Variants in ASAP2 observed in about 807,000 individuals in gnomAD.
ASAP2 encodes arf-GAP with SH3 domain, ANK repeat and PH domain-containing protein 2.
ASAP2 carries 45 observed loss-of-function variants against 131.4 expected under a neutral mutation model. That is an observed-to-expected ratio of 0.34 (90% confidence interval 0.27 to 0.44). ASAP2 has a LOEUF of 0.44. Ranked by LOEUF, ASAP2 falls within the 20% of genes least tolerant of loss-of-function variation. The pLI is 1.00. For missense variants in ASAP2, 1,011 were observed against 1,297.0 expected (o/e 0.78, Z 3.39); for synonymous variants, 510 against 503.0 (o/e 1.01, Z -0.19).
At position 9,254,254 on chromosome 2, in the gene ASAP2, T is replaced by TATATATATATATATTATATATAC. The variant is rs1553297027; in HGVS notation, c.127-25062_127-25061insTATATATATATATTATATATACA. Reference sequence around the variant, plus strand: ...AAAAAAAAATATATATATATATATATACACGTGTGTGTGTATGCATATATA... The same window carrying TATATATATATATATTATATATAC: ...AAAAAAAAATATATATATATATATATATATATATATATATTATATATACACACGTGTGTGTGTATGCATATATA... On this transcript the variant is annotated intron_variant, in intron 1 of 27. Coordinates refer to ENST00000281419, the MANE Select transcript of ASAP2 (RefSeq NM_003887.3). Among the ~76,000 whole-genome samples the TATATATATATATATTATATATAC allele has an allele frequency of 2.1e-3, 140 of 65,694 alleles. 3 individuals are homozygous for TATATATATATATATTATATATAC. Among genetic ancestry groups the TATATATATATATATTATATATAC allele is most frequent in the African/African-American group, 9.6e-3 (130 of 13,494 alleles). The allele number at this position is 65,694 out of a possible 152,430, so 43.1% of individuals were successfully genotyped here. A position where few individuals can be genotyped will look rare whatever the true frequency, so the allele number is the denominator to read the frequency against.
chr2:9,400,632 G>A, intron 25 of ASAP2, 110 bp from the exon 26 acceptor site: 2 of 986,244 alleles, frequency 2.0e-6, no homozygotes, highest in South Asian at 2.7e-5. Context: ...CAACAGATCG[G>A]AACACCTGGG....
At chr2:9,238,093 G>T (rs1663679458) in intron 1 of ASAP2, among the ~76,000 whole-genome samples, 1 of 152,152 alleles carries the variant, frequency 6.6e-6, no homozygotes, top group African/African-American at 2.4e-5. Flanking sequence ...CGACTGCTGG[G>T]GTTTGAATTT....
rs146714619 is a variant in ASAP2 at position 9,247,016 on chromosome 2, G to A, written c.127-32301G>A. 4.4e-3 allele frequency among the ~76,000 whole-genome samples: 670 copies of A among 152,016 alleles called. 9 individuals are homozygous for A. The highest frequency in any genetic ancestry group is 0.015 in the African/African-American group (641 of 41,432). Reference sequence around the variant, plus strand: ...TACCACACCCAGCTGATTTTTTAATGTTTTTGTAGAGATGGGGTCTGTGTT... The same window carrying A: ...TACCACACCCAGCTGATTTTTTAATATTTTTGTAGAGATGGGGTCTGTGTT... On this transcript the variant is annotated intron_variant, in intron 1 of 27. Transcript: ENST00000281419.
intron 1 of ASAP2, among the ~76,000 whole-genome samples, 154 bp from the exon 2 acceptor site, chr2:9,279,163 A>G (rs1377775735): frequency 6.6e-6 from 1 of 152,150 alleles, no homozygotes. Flanking sequence ...TCCCAGAAAC[A>G]GGTGCCGAGG....
chr2:9,265,391 T>C (rs116348020), intron 1 of ASAP2, among the ~76,000 whole-genome samples: 150 of 152,366 alleles, frequency 9.8e-4, no homozygotes, highest in African/African-American at 3.6e-3. Context: ...AGTATTTTTG[T>C]TTTATTGTTT....
intron 1 of ASAP2, among the ~76,000 whole-genome samples, chr2:9,269,047 G>A (rs556362021): frequency 1.3e-5 from 2 of 152,214 alleles, no homozygotes; most frequent in East Asian, 3.9e-4. Flanking sequence ...TGAGGCCAGG[G>A]CTCAGCAAAC....
chr2:9,315,655 C>T (rs1040265787), intron 3 of ASAP2, among the ~76,000 whole-genome samples: 2 of 152,118 alleles, frequency 1.3e-5, no homozygotes, highest in Non-Finnish European at 2.9e-5. Context: ...TGTCTGGCTG[C>T]CAGGACTGTC....
At chr2:9,245,693 C>T (rs528199100) in intron 1 of ASAP2, among the ~76,000 whole-genome samples, 3 of 152,146 alleles carry the variant, frequency 2.0e-5, no homozygotes, top group South Asian at 2.1e-4. Flanking sequence ...GGCCTGGGGG[C>T]GCTTGCAGGA....
At chr2:9,212,854 C>A (rs1319844370) in intron 1 of ASAP2, among the ~76,000 whole-genome samples, 3 of 152,198 alleles carry the variant, frequency 2.0e-5, no homozygotes. Context: ...TTTACAGCAT[C>A]TCCACGTACA....
chr2:9,229,204 A>G (rs540780727), intron 1 of ASAP2, among the ~76,000 whole-genome samples: 1 of 152,300 alleles, frequency 6.6e-6, no homozygotes, highest in East Asian at 1.9e-4. Context: ...AACAGATTTA[A>G]AGATAGTAGG....
chr2:9,213,552 C>T (rs957921824), intron 1 of ASAP2, among the ~76,000 whole-genome samples: 1 of 151,876 alleles, frequency 6.6e-6, no homozygotes, highest in Admixed American at 6.6e-5. Flanking sequence ...AAGAGGGAGA[C>T]CAGTTGTGGG....
rs1489231503 is a variant in ASAP2 at position 9,344,754 on chromosome 2, G to A, written c.977G>A (p.Arg326Lys). The change falls in exon 11 of 28, where the codon AGG (arginine) becomes AAG (lysine). Residue 326 changes from arginine to lysine, a missense_variant. Coordinates refer to ENST00000281419, the MANE Select transcript of ASAP2 (RefSeq NM_003887.3). ...SDGIRKVWQK[R>K]KCSVKNGFLT... is the part of the protein sequence containing the mutation. ...AGGATCCGAAAAGTGTGGCAGAAAAGGAAATGTTCAGTTAAAAATGGTTTT... is the reference window on the plus strand; with the variant it reads ...AGGATCCGAAAAGTGTGGCAGAAAAAGAAATGTTCAGTTAAAAATGGTTTT... The A allele has an allele frequency of 6.2e-7, 1 of 1,614,146 alleles. No homozygotes were observed.
At chr2:9,321,537 G>A (rs1011359827) in intron 5 of ASAP2, among the ~76,000 whole-genome samples, 8 of 152,154 alleles carry the variant, frequency 5.3e-5, no homozygotes, top group Non-Finnish European at 8.8e-5. Context: ...GCTTTGCAGA[G>A]GGAAAACCAA....
chr2:9,214,925 C>T lies in ASAP2; in HGVS notation c.126+7695C>T, dbSNP rs933626321. Among the ~76,000 whole-genome samples the T allele has an allele frequency of 3.3e-5, 5 of 152,090 alleles. 1 individual carries two copies. In the South Asian group the frequency reaches 8.3e-4, roughly 25 times the overall value. ...TTGACACTCTGGCGAAGGTGATCTG[C>T]CTCTTCAGAAAAATGTTTTAATGCA... On this transcript the variant is annotated intron_variant, in intron 1 of 27. Transcript: ENST00000281419.
chr2:9,258,458 G>A (rs4467242), intron 1 of ASAP2, among the ~76,000 whole-genome samples: 83,188 of 151,442 alleles, frequency 0.55, 24,023 homozygotes, highest in African/African-American at 0.74. Flanking sequence ...AATGCAAGCT[G>A]TTTTAAAGGT....
At chr2:9,213,014 G>A (rs1028777466) in intron 1 of ASAP2, among the ~76,000 whole-genome samples, 5 of 152,210 alleles carry the variant, frequency 3.3e-5, no homozygotes, top group African/African-American at 1.2e-4. Context: ...TCGAGCCTTG[G>A]CATTTTTTAA....
intron 24 of ASAP2, 93 bp downstream of exon 24, chr2:9,393,740 C>T: frequency 7.5e-7 from 1 of 1,338,372 alleles, no homozygotes; most frequent in Non-Finnish European, 1.0e-6. Context: ...ATCCCCAGGG[C>T]TCCTACTCCA....
intron 2 of ASAP2, among the ~76,000 whole-genome samples, chr2:9,292,917 G>A (rs1055692176): frequency 2.6e-5 from 4 of 152,188 alleles, no homozygotes; most frequent in Non-Finnish European, 5.9e-5. Flanking sequence ...CCATCCTCTG[G>A]CAGTGCTGTG....
chr2:9,401,505 G>C, intron 27 of ASAP2, 109 bp downstream of exon 27: 1 of 1,410,122 alleles, frequency 7.1e-7, no homozygotes, highest in Non-Finnish European at 9.5e-7. Flanking sequence ...GAGCAGTCCA[G>C]ATGTAGTTCC....
Sources: allele counts gnomAD v4.1 joint callset (sites outside exome capture counted in the v4.1 genomes callset), GRCh38; gene constraint gnomAD v4.1.1; transcripts MANE v1.5; gene names NCBI Gene and HGNC (gene_info 2026-07-23, HGNC 2026-07-21).